The following JAKMIP1 variants were observed in gnomAD, a reference collection of about 807,000 sequenced individuals.
The protein encoded by JAKMIP1 is janus kinase and microtubule interacting protein 1, also known as janus kinase and microtubule-interacting protein 1.
A neutral mutation model predicts 113.0 loss-of-function variants in JAKMIP1; 33 were observed. The ratio of observed to expected loss-of-function variants is 0.29; its 90% confidence interval spans 0.22 to 0.39. JAKMIP1 has a LOEUF of 0.39. Among genes scored for constraint, JAKMIP1 ranks in the 10% least tolerant of loss-of-function variants. JAKMIP1 has a pLI of 1.00. For missense variants in JAKMIP1, 813 were observed against 1,080.5 expected (o/e 0.75, Z 3.47); for synonymous variants, 480 against 459.9 (o/e 1.04, Z -0.56).
At chr4:6,103,308 A>G (rs1022353408) in intron 3 of JAKMIP1, among the ~76,000 whole-genome samples, 3 of 152,306 alleles carry the variant, frequency 2.0e-5, no homozygotes, top group Non-Finnish European at 4.4e-5. Flanking sequence ...GTTGAATTAT[A>G]TTCAGTGATT....
rs1728225045 is a variant in JAKMIP1, at chr4:6,199,626, C to T, written c.-148+627G>A. 6.6e-6 allele frequency among the ~76,000 whole-genome samples: 1 copy of T among 151,896 alleles called. No homozygotes were observed. The highest frequency in any genetic ancestry group is 1.5e-5 in the Non-Finnish European group (1 of 67,918). ...CCCATCTCTCGAGCCTCCTCCCCGG[C>T]GCCCACGTGGGCGGAGCAGCGCGAG... is the stretch of plus-strand genomic sequence containing the variant. On this transcript the variant is annotated intron_variant, in intron 1 of 20. Transcript: ENST00000409021. This position sits in a 1 kb window ranked among gnomAD's most constrained non-coding sequence, Gnocchi z 5.6.
rs1397906093 is a variant in JAKMIP1, at chr4:6,197,136, G to A, written c.-148+3117C>T. Among the ~76,000 whole-genome samples the A allele has an allele frequency of 6.6e-6, 1 of 152,084 alleles. No homozygotes were observed. The highest frequency in any genetic ancestry group is 1.9e-4 in the East Asian group (1 of 5,178). ...AGGTTAAGTGCTGATATTTCCTTACGTGGCCCTCATTCCCCTTATCCAGAC... is the reference window on the plus strand; with the variant it reads ...AGGTTAAGTGCTGATATTTCCTTACATGGCCCTCATTCCCCTTATCCAGAC... On this transcript the variant is annotated intron_variant, in intron 1 of 20. Coordinates refer to ENST00000409021, the MANE Select transcript of JAKMIP1 (RefSeq NM_001099433.2). The surrounding 1 kb of genome is among the most constrained non-coding windows in gnomAD (Gnocchi z 6.5).
At position 6,080,191 on chromosome 4, in the gene JAKMIP1, A is replaced by G. The variant is rs1340344933; in HGVS notation, c.1223T>C (p.Val408Ala). Residue 408 changes from valine to alanine, a missense_variant, in exon 7 of 21, where the codon GTC (valine) becomes GCC (alanine). By Grantham distance (64) the Val-to-Ala change is moderately conservative (BLOSUM62 0). Transcript: ENST00000409021. The surrounding 1 kb of genome is among the most constrained non-coding windows in gnomAD (Gnocchi z 6.0). ...LRLQVLEQQHVIDDLSLERER... is the reference protein window; with the variant it reads ...LRLQVLEQQHAIDDLSLERER... ...ATGTACCAGTGAGAGGTCGTCAATG[A>G]CGTGCTGCTGCTCCAGCACCTGCAG... 6.2e-7 allele frequency: 1 copy of G among 1,612,102 alleles called. No homozygotes were observed. The highest frequency in any genetic ancestry group is 2.2e-5 in the East Asian group (1 of 44,824).
At chr4:6,085,160 GA>G (rs1371179883) in intron 4 of JAKMIP1, among the ~76,000 whole-genome samples, 195 bp from the exon 5 acceptor site, 1 of 152,038 alleles carries the variant, frequency 6.6e-6, no homozygotes, top group Non-Finnish European at 1.5e-5. Context: ...GACGGCCACT[GA>G]GACTTCAAAC....
In JAKMIP1 at chr4:6,154,208, G is replaced by A. The variant is rs1447741008; in HGVS notation, c.-147-41211C>T. 3.3e-5 allele frequency among the ~76,000 whole-genome samples: 5 copies of A among 152,354 alleles called. No individual in the cohort carries two copies. In the East Asian group the frequency reaches 9.6e-4, roughly 29 times the overall value. ...AGAGCGGAGCTGGACACAGGCGGAG[G>A]CTGAAGAAACAAGCAAATCACTGGA... On this transcript the variant is annotated intron_variant, in intron 1 of 20. Coordinates refer to ENST00000409021, the MANE Select transcript of JAKMIP1 (RefSeq NM_001099433.2). This position sits in a 1 kb window ranked among gnomAD's most constrained non-coding sequence, Gnocchi z 4.2.
intron 8 of JAKMIP1, among the ~76,000 whole-genome samples, chr4:6,066,934 T>C (rs1718182732): frequency 6.6e-6 from 1 of 152,126 alleles, no homozygotes; most frequent in African/African-American, 2.4e-5. Context: ...CATGGGGCCT[T>C]TGCGCTCCGA....
At chr4:6,105,311 C>G (rs1446769396) in intron 3 of JAKMIP1, among the ~76,000 whole-genome samples, 162 bp downstream of exon 3, 2 of 152,240 alleles carry the variant, frequency 1.3e-5, no homozygotes, top group Non-Finnish European at 2.9e-5. Flanking sequence ...CCTGCAGCCC[C>G]AAAGCCTCCT....
rs1400467420 is a variant in JAKMIP1 at position 6,135,145 on chromosome 4, T to A, written c.-147-22148A>T. On this transcript the variant is annotated intron_variant, in intron 1 of 20. Coordinates refer to ENST00000409021, the MANE Select transcript of JAKMIP1 (RefSeq NM_001099433.2). The surrounding 1 kb of genome is among the most constrained non-coding windows in gnomAD (Gnocchi z 4.9). ...AAGCCATGGTATATGGGCTGACTCG[T>A]GTCCCTCCAAAATTCTTATGTTGAA... 1.3e-5 allele frequency among the ~76,000 whole-genome samples: 2 copies of A among 152,150 alleles called. No homozygotes were observed. Among genetic ancestry groups the A allele is most frequent in the African/African-American group, 4.8e-5 (2 of 41,432 alleles).
intron 16 of JAKMIP1, among the ~76,000 whole-genome samples, chr4:6,046,018 C>T (rs1479400057): frequency 2.0e-5 from 3 of 152,226 alleles, no homozygotes; most frequent in Non-Finnish European, 1.5e-5. Flanking sequence ...CTGGCAGTGA[C>T]ATTGCAGGTG....
chr4:6,138,383 G>A lies in JAKMIP1; in HGVS notation c.-147-25386C>T, dbSNP rs1407172200. On this transcript the variant is annotated intron_variant, in intron 1 of 20. Transcript: ENST00000409021. This position sits in a 1 kb window ranked among gnomAD's most constrained non-coding sequence, Gnocchi z 6.0. ...CTGCCTCAGCTTTCCAAGTAGCTGG[G>A]ATTACACCACACCTGGCTCATTTTT... 6.6e-6 allele frequency among the ~76,000 whole-genome samples: 1 copy of A among 151,944 alleles called. No individual in the cohort carries two copies. The highest frequency in any genetic ancestry group is 1.5e-5 in the Non-Finnish European group (1 of 67,970).
intron 2 of JAKMIP1, among the ~76,000 whole-genome samples, chr4:6,111,845 T>C (rs1714988137): frequency 6.6e-6 from 1 of 152,202 alleles, no homozygotes. Context: ...AGCAGAGCCC[T>C]GAGTCCAGAC....
intron 1 of JAKMIP1, among the ~76,000 whole-genome samples, chr4:6,170,346 TCAC>T (rs376955827): frequency 0.1 from 3,809 of 37,264 alleles, 180 homozygotes; most frequent in African/African-American, 0.27. Context: ...CCCACCCTTC[TCAC>T]CACCACCACC....
chr4:6,085,016 G>C, intron 4 of JAKMIP1, 51 bp from the exon 5 acceptor site: 12 of 1,394,132 alleles, frequency 8.6e-6, no homozygotes, highest in Non-Finnish European at 1.1e-5. Flanking sequence ...AATGTACTTT[G>C]AAGAAGTTGT....
At chr4:6,047,051 C>G (rs1045205338) in intron 16 of JAKMIP1, among the ~76,000 whole-genome samples, 1 of 152,222 alleles carries the variant, frequency 6.6e-6, no homozygotes, top group African/African-American at 2.4e-5. Flanking sequence ...ATGGCAATGC[C>G]TGATCCCACT....
At chr4:6,099,083 A>G (rs1712570557) in intron 3 of JAKMIP1, among the ~76,000 whole-genome samples, 2 of 152,172 alleles carry the variant, frequency 1.3e-5, no homozygotes, top group Admixed American at 1.3e-4. Flanking sequence ...TGCTACATTT[A>G]TTGCTCACAG....
chr4:6,120,457 C>A (rs961516709), intron 1 of JAKMIP1, among the ~76,000 whole-genome samples: 2 of 152,096 alleles, frequency 1.3e-5, no homozygotes, highest in Non-Finnish European at 2.9e-5. Context: ...TGGAAATAAC[C>A]TCAGGACCCA....
intron 1 of JAKMIP1, among the ~76,000 whole-genome samples, chr4:6,144,867 G>A (rs1337264202): frequency 6.6e-6 from 1 of 152,130 alleles, no homozygotes; most frequent in Admixed American, 6.6e-5. Context: ...TTGGACTTGA[G>A]GTTTTAGTCA....
rs1320353780 is a variant in JAKMIP1, at chr4:6,105,979, G to A, written c.130-12C>T. The stretch of plus-strand genomic sequence containing the variant: ...CGCAGTTTGCCCACCTGCAGCCAGA[G>A]CGGCGAGAGAGCCGGTCAGGGTCAG... On this transcript the variant is annotated splice_polypyrimidine_tract_variant and intron_variant, in intron 2 of 20. Coordinates refer to ENST00000409021, the MANE Select transcript of JAKMIP1 (RefSeq NM_001099433.2). The A allele has an allele frequency of 1.3e-6, 2 of 1,554,900 alleles. No homozygotes were observed. Among genetic ancestry groups the A allele is most frequent in the Non-Finnish European group, 1.7e-6 (2 of 1,144,426 alleles).
In JAKMIP1 at chr4:6,154,765, C is replaced by T. The variant is rs1374832199; in HGVS notation, c.-147-41768G>A. Among the ~76,000 whole-genome samples, 3 of 152,136 alleles carry T rather than the reference C, an allele frequency of 2.0e-5. No individual in the cohort carries two copies. Among genetic ancestry groups the T allele is most frequent in the Non-Finnish European group, 4.4e-5 (3 of 68,018 alleles). ...CCCCACCCCCAGCCATCATGAACTA[C>T]AGACAGCACCCTAAACATCCTGTTC... On this transcript the variant is annotated intron_variant, in intron 1 of 20. Coordinates refer to ENST00000409021, the MANE Select transcript of JAKMIP1 (RefSeq NM_001099433.2). This position sits in a 1 kb window ranked among gnomAD's most constrained non-coding sequence, Gnocchi z 4.2.
Sources: gnomAD v4.1 joint callset for allele counts (sites outside exome capture counted in the v4.1 genomes callset) on GRCh38, gnomAD v4.1.1 for gene constraint, Gnocchi (gnomAD v3.1) non-coding constraint, MANE v1.5 for transcripts, NCBI Gene and HGNC (gene_info 2026-07-23, HGNC 2026-07-21) for gene names.